Variants in EXOC6B observed in about 807,000 individuals in gnomAD.
The protein encoded by EXOC6B is exocyst complex component 6B, also known as SEC15 homolog B.
A neutral mutation model predicts 113.5 loss-of-function variants in EXOC6B; 54 were observed. That is an observed-to-expected ratio of 0.48 (90% CI 0.38 to 0.60). EXOC6B has a LOEUF of 0.60. Ranked by LOEUF, EXOC6B falls within the 20% of genes least tolerant of loss-of-function variation. The pLI is 0.00. For synonymous variants in EXOC6B, 357 were observed against 339.0 expected, an observed-to-expected ratio of 1.05 and a Z score of -0.58; for missense variants, 797 against 977.5, an observed-to-expected ratio of 0.82 and a Z score of 2.46.
chr2:72,491,473 C>T lies in EXOC6B; in HGVS notation c.1665+845G>A, dbSNP rs185150710. 2.7e-3 allele frequency among the ~76,000 whole-genome samples: 415 copies of T among 152,254 alleles called. 1 individual carries two copies. Among genetic ancestry groups the T allele is most frequent in the African/African-American group, 4.1e-3 (170 of 41,562 alleles). ...TTTCCTAGAGTAACAGACTTCCAAA[C>T]TGCACCACCTCTATAGGTAAAACAG... On this transcript the variant is annotated intron_variant, in intron 16 of 21. Coordinates refer to ENST00000272427, the MANE Select transcript of EXOC6B (RefSeq NM_015189.3).
At chr2:72,366,066 T>C (rs746327604) in intron 19 of EXOC6B, among the ~76,000 whole-genome samples, 1 of 152,042 alleles carries the variant, frequency 6.6e-6, no homozygotes, top group Non-Finnish European at 1.5e-5. Context: ...CAGTAAACAA[T>C]GACCAGGATG....
chr2:72,386,325 G>A (rs1232358011), intron 18 of EXOC6B, among the ~76,000 whole-genome samples: 2 of 152,154 alleles, frequency 1.3e-5, no homozygotes, highest in Admixed American at 1.3e-4. Context: ...CCATTTTCAG[G>A]AGAAGAATTC....
intron 20 of EXOC6B, among the ~76,000 whole-genome samples, chr2:72,267,062 G>T (rs2104609704): frequency 6.6e-6 from 1 of 152,222 alleles, no homozygotes; most frequent in African/African-American, 2.4e-5. Context: ...CTGTTTGTCT[G>T]TTATTGGTGT....
intron 18 of EXOC6B, among the ~76,000 whole-genome samples, chr2:72,429,082 T>C (rs1225408115): frequency 1.3e-5 from 2 of 152,230 alleles, no homozygotes; most frequent in African/African-American, 4.8e-5. Flanking sequence ...AGCAAACAAA[T>C]TATCTTTACC....
At position 72,532,453 on chromosome 2, in the gene EXOC6B, T is replaced by C. The variant is rs149638025; in HGVS notation, c.916-17327A>G. On this transcript the variant is annotated intron_variant, in intron 8 of 21. Coordinates refer to ENST00000272427, the MANE Select transcript of EXOC6B (RefSeq NM_015189.3). ...CTAGTAGGTATCAGAAAACTTTAAA[T>C]GAATATTTCCTTTAATTCAATTTAA... Among the ~76,000 whole-genome samples, 731 of 152,270 alleles carry C rather than the reference T, an allele frequency of 4.8e-3. 9 individuals are homozygous for C. The highest frequency in any genetic ancestry group is 0.016 in the African/African-American group (679 of 41,560).
At position 72,315,988 on chromosome 2, in the gene EXOC6B, T is replaced by C. The variant is rs561349729; in HGVS notation, c.2196+18959A>G. Among the ~76,000 whole-genome samples, 6 of 152,338 alleles carry C rather than the reference T, an allele frequency of 3.9e-5. No homozygotes were observed. In the South Asian group the frequency reaches 1.2e-3, roughly 32 times the overall value. On this transcript the variant is annotated intron_variant, in intron 20 of 21. Transcript: ENST00000272427. ...ACTTCAGCAAGGATTATTTGTAGAC[T>C]ACTTTAGAAGTCACTCCTAGAAAGA... is the stretch of plus-strand genomic sequence containing the variant.
chr2:72,641,419 C>T (rs983794167), intron 6 of EXOC6B, among the ~76,000 whole-genome samples: 9 of 152,264 alleles, frequency 5.9e-5, no homozygotes, highest in Non-Finnish European at 1.0e-4. Flanking sequence ...TATCCCACGC[C>T]TGGATTGGTG....
intron 1 of EXOC6B, among the ~76,000 whole-genome samples, chr2:72,794,425 AAT>A (rs1343290333): frequency 2.0e-5 from 3 of 152,196 alleles, no homozygotes; most frequent in Non-Finnish European, 4.4e-5. Context: ...AGATTTGGTG[AAT>A]ATTACCCAGA....
chr2:72,333,335 A>G (rs545012885), intron 20 of EXOC6B, among the ~76,000 whole-genome samples: 4 of 152,274 alleles, frequency 2.6e-5, no homozygotes, highest in African/African-American at 4.8e-5. Context: ...GTTCCTTTCC[A>G]TAGGGACCAA....
At chr2:72,296,730 A>C (rs1686160902) in intron 20 of EXOC6B, among the ~76,000 whole-genome samples, 1 of 152,240 alleles carries the variant, frequency 6.6e-6, no homozygotes, top group African/African-American at 2.4e-5. Context: ...GACTAAAAAT[A>C]ACTAGGTGTA....
intron 6 of EXOC6B, among the ~76,000 whole-genome samples, chr2:72,656,838 A>C (rs1674613483): frequency 6.6e-6 from 1 of 152,112 alleles, no homozygotes; most frequent in Admixed American, 6.5e-5. Flanking sequence ...AAATATTTAT[A>C]ACTTCACTTA....
intron 1 of EXOC6B, among the ~76,000 whole-genome samples, chr2:72,742,469 C>G (rs1364776896): frequency 6.6e-6 from 1 of 152,082 alleles, no homozygotes; most frequent in African/African-American, 2.4e-5. Flanking sequence ...ACAGCCTATA[C>G]ATGTCTTTTT....
At chr2:72,321,343 T>C (rs1293308231) in intron 20 of EXOC6B, among the ~76,000 whole-genome samples, 1 of 152,108 alleles carries the variant, frequency 6.6e-6, no homozygotes, top group Non-Finnish European at 1.5e-5. Context: ...AAGACCAGCC[T>C]GGTCAACATG....
At chr2:72,713,617 G>A (rs1237200009) in intron 6 of EXOC6B, among the ~76,000 whole-genome samples, 2 of 147,924 alleles carry the variant, frequency 1.4e-5, no homozygotes, top group African/African-American at 5.0e-5. Context: ...AGAGTGTGAT[G>A]TTCCCCTTCC....
At chr2:72,581,636 A>C (rs562941390) in intron 6 of EXOC6B, among the ~76,000 whole-genome samples, 2 of 152,292 alleles carry the variant, frequency 1.3e-5, no homozygotes, top group East Asian at 3.9e-4. Context: ...AAGTTCCTCA[A>C]GCACTCATCT....
intron 20 of EXOC6B, among the ~76,000 whole-genome samples, chr2:72,212,041 C>A (rs1027219321): frequency 6.6e-6 from 1 of 151,970 alleles, no homozygotes; most frequent in African/African-American, 2.4e-5. Flanking sequence ...AAAAAAGAGG[C>A]TCCATTGCTT....
intron 6 of EXOC6B, among the ~76,000 whole-genome samples, chr2:72,640,804 A>C (rs2104338840): frequency 6.6e-6 from 1 of 152,320 alleles, no homozygotes; most frequent in African/African-American, 2.4e-5. Context: ...AGAAAACAAA[A>C]AAGCAGGGGT....
chr2:72,480,668 A>G lies in EXOC6B; in HGVS notation c.1748T>C (p.Val583Ala). The G allele has an allele frequency of 6.3e-7, 1 of 1,591,634 alleles. No individual in the cohort carries two copies. Among genetic ancestry groups the G allele is most frequent in the Non-Finnish European group, 8.6e-7 (1 of 1,167,610 alleles). Residue 583 changes from valine (V) to alanine (A), a missense_variant, in exon 17 of 22, where the codon GTG becomes GCG. Coordinates refer to ENST00000272427, the MANE Select transcript of EXOC6B (RefSeq NM_015189.3). Reference sequence around the variant, plus strand: ...GGTAGTGTGAACTGTCTCTGGAAGCACATTAGTGATGTTGGTGATAAATTC... The same window carrying G: ...GGTAGTGTGAACTGTCTCTGGAAGCGCATTAGTGATGTTGGTGATAAATTC... Reference protein sequence around the residue: ...LEEFITNITNVLPETVHTTKL... With the variant: ...LEEFITNITNALPETVHTTKL...
intron 1 of EXOC6B, among the ~76,000 whole-genome samples, chr2:72,752,496 C>A (rs1389903498): frequency 6.6e-6 from 1 of 151,900 alleles, no homozygotes; most frequent in African/African-American, 2.4e-5. Flanking sequence ...ATGAAAATCT[C>A]TCTTCTGATA....
Sources: gnomAD v4.1 joint callset for allele counts (sites outside exome capture counted in the v4.1 genomes callset) on GRCh38, gnomAD v4.1.1 for gene constraint, MANE v1.5 for transcripts, NCBI Gene and HGNC (gene_info 2026-07-23, HGNC 2026-07-21) for gene names.